Variants in NRXN1 observed in about 807,000 individuals in gnomAD.
The protein encoded by NRXN1 is neurexin 1.
NRXN1 carries 39 observed loss-of-function variants against 150.9 expected under a neutral mutation model. The ratio of observed to expected loss-of-function variants is 0.26; its 90% CI spans 0.20 to 0.34. The LOEUF (loss-of-function observed/expected upper bound fraction) is 0.34. Ranked by LOEUF, NRXN1 falls within the 10% of genes least tolerant of loss-of-function variation. The pLI, the probability that NRXN1 is intolerant of heterozygous loss-of-function variation, is 1.00. For synonymous variants in NRXN1, 924 were observed against 757.0 expected (o/e 1.22, Z -3.62); for missense variants, 1,815 against 1,949.9 (o/e 0.93, Z 1.30).
intron 6 of NRXN1, among the ~76,000 whole-genome samples, chr2:50,623,019 C>A (rs1352123841): frequency 1.3e-5 from 2 of 152,076 alleles, no homozygotes; most frequent in Admixed American, 6.6e-5. Context: ...AACAAAAAAA[C>A]CAAAAACACA....
intron 18 of NRXN1, among the ~76,000 whole-genome samples, chr2:50,182,037 A>C (rs2060756103): frequency 6.6e-6 from 1 of 151,970 alleles, no homozygotes; most frequent in South Asian, 2.1e-4. Flanking sequence ...GGAAAGGAAA[A>C]AAAAAATGCC....
chr2:50,344,133 A>C (rs976911124), intron 17 of NRXN1, among the ~76,000 whole-genome samples: 1 of 151,372 alleles, frequency 6.6e-6, no homozygotes, highest in African/African-American at 2.4e-5. Flanking sequence ...ATTCAACATC[A>C]CCTCTTTCTT....
intron 5 of NRXN1, among the ~76,000 whole-genome samples, chr2:50,626,600 T>C (rs1681125450): frequency 6.6e-6 from 1 of 151,974 alleles, no homozygotes; most frequent in South Asian, 2.1e-4. Context: ...CTTTACATCC[T>C]TTGTTCACAA....
At chr2:50,147,489 A>G (rs916999922) in intron 18 of NRXN1, among the ~76,000 whole-genome samples, 24 of 151,724 alleles carry the variant, frequency 1.6e-4, no homozygotes, top group Non-Finnish European at 3.4e-4. Context: ...TTGCATCCCT[A>G]GAGTTAAAGA....
intron 5 of NRXN1, among the ~76,000 whole-genome samples, chr2:50,666,836 AATAATGATGATG>A (rs1688091842): frequency 7.2e-6 from 1 of 138,448 alleles, no homozygotes; most frequent in South Asian, 2.4e-4. Context: ...CAGAGCATAA[AATAATGATGATG>A]ATGATGATGA....
intron 21 of NRXN1, among the ~76,000 whole-genome samples, chr2:50,038,729 C>T (rs1690434993): frequency 6.6e-6 from 1 of 151,764 alleles, no homozygotes; most frequent in South Asian, 2.1e-4. Flanking sequence ...ATAGTTTTCT[C>T]CGTCCTTCCC....
intron 5 of NRXN1, among the ~76,000 whole-genome samples, chr2:50,760,399 G>C (rs1281527528): frequency 6.6e-6 from 1 of 151,730 alleles, no homozygotes; most frequent in Non-Finnish European, 1.5e-5. Flanking sequence ...GGTTCCCTTA[G>C]CCTTACCAGC....
intron 17 of NRXN1, among the ~76,000 whole-genome samples, chr2:50,253,597 G>T (rs564598776): frequency 3.7e-4 from 56 of 152,186 alleles, no homozygotes; most frequent in African/African-American, 1.1e-3. Context: ...TTAACACCTA[G>T]TTTATTGAGA....
chr2:50,603,215 G>C (rs1676558280), intron 8 of NRXN1, among the ~76,000 whole-genome samples: 1 of 152,162 alleles, frequency 6.6e-6, no homozygotes. Flanking sequence ...AAAACATCAT[G>C]TGTTTTGATC....
At chr2:50,423,440 C>T (rs570577430) in intron 17 of NRXN1, among the ~76,000 whole-genome samples, 2 of 152,128 alleles carry the variant, frequency 1.3e-5, no homozygotes, top group African/African-American at 2.4e-5. Flanking sequence ...GCTTTGTGTC[C>T]TCAATGGGCC....
intron 5 of NRXN1, among the ~76,000 whole-genome samples, chr2:50,647,935 T>A (rs548148276): frequency 3.3e-5 from 5 of 151,892 alleles, no homozygotes; most frequent in Non-Finnish European, 7.4e-5. Flanking sequence ...TGTGTGTATA[T>A]ACATATATAC....
intron 17 of NRXN1, among the ~76,000 whole-genome samples, chr2:50,285,172 A>G (rs927634022): frequency 3.3e-5 from 5 of 152,212 alleles, no homozygotes; most frequent in African/African-American, 1.2e-4. Flanking sequence ...AAGAACAAAC[A>G]TGGTGTGCCC....
At chr2:50,702,839 C>A (rs1186879478) in intron 5 of NRXN1, among the ~76,000 whole-genome samples, 1 of 152,028 alleles carries the variant, frequency 6.6e-6, no homozygotes, top group Non-Finnish European at 1.5e-5. Context: ...ATAATTATTT[C>A]TCTGATTTTA....
intron 5 of NRXN1, among the ~76,000 whole-genome samples, chr2:50,716,350 C>G (rs928663844): frequency 2.6e-5 from 4 of 151,832 alleles, no homozygotes; most frequent in African/African-American, 9.7e-5. Context: ...TTTAGGAAGC[C>G]GCAATCTACA....
chr2:50,206,880 C>T (rs2152839523), intron 18 of NRXN1, among the ~76,000 whole-genome samples: 1 of 145,124 alleles, frequency 6.9e-6, no homozygotes, highest in Admixed American at 6.9e-5. Context: ...CAGAAATGGG[C>T]AGTACACACA....
chr2:50,905,367 T>C lies in NRXN1; in HGVS notation c.832+16502A>G, dbSNP rs369332556. 5.1e-4 allele frequency among the ~76,000 whole-genome samples: 78 copies of C among 152,192 alleles called. 3 individuals are homozygous for C. The South Asian group carries it at 0.013, about 25-fold the overall frequency. ...TATTTAAGGAACCTGGTAAGACACA[T>C]AAATGTGTGAGTCTGGTTAGGGCAC... On this transcript the variant is annotated intron_variant, in intron 5 of 22. Coordinates refer to ENST00000401669, the MANE Select transcript of NRXN1 (RefSeq NM_001330078.2).
In NRXN1 at chr2:50,483,390, T is replaced by C. The variant is rs75853153; in HGVS notation, c.3071-10919A>G. ...GCAGTCCATGACGCTGTTCTGCCTA[T>C]AAAGTAGGCATTTGTTTGTTTCTTT... On this transcript the variant is annotated intron_variant, in intron 15 of 22. Coordinates refer to ENST00000401669, the MANE Select transcript of NRXN1 (RefSeq NM_001330078.2). Among the ~76,000 whole-genome samples the C allele has an allele frequency of 3.4e-3, 519 of 152,318 alleles. 3 individuals carry two copies. Among genetic ancestry groups the C allele is most frequent in the African/African-American group, 0.012 (498 of 41,564 alleles).
At chr2:50,315,614 C>G (rs187285704) in intron 17 of NRXN1, among the ~76,000 whole-genome samples, 298 of 152,208 alleles carry the variant, frequency 2.0e-3, no homozygotes, top group African/African-American at 6.8e-3. Flanking sequence ...CACAAATGGG[C>G]TATGCTCCAA....
At chr2:50,758,770 A>C (rs1234939958) in intron 5 of NRXN1, among the ~76,000 whole-genome samples, 1 of 151,890 alleles carries the variant, frequency 6.6e-6, no homozygotes, top group Non-Finnish European at 1.5e-5. Context: ...GCAAAAAGTA[A>C]AAATAACACC....
Sources: allele counts gnomAD v4.1 joint callset (sites outside exome capture counted in the v4.1 genomes callset), GRCh38; gene constraint gnomAD v4.1.1; transcripts MANE v1.5; gene names NCBI Gene and HGNC (gene_info 2026-07-23, HGNC 2026-07-21).